THBS4: variants seen among roughly 807,000 people sequenced by gnomAD.
THBS4 encodes the protein thrombospondin 4, also known as thrombospondin-4.
THBS4 carries 90 observed loss-of-function variants against 115.7 expected under a neutral mutation model. The ratio of observed to expected loss-of-function variants is 0.78; its 90% CI spans 0.66 to 0.93. The LOEUF is 0.93. THBS4 is among the 40% of genes least tolerant of loss of function. THBS4 has a pLI of 0.00. For missense variants in THBS4, 1,087 were observed against 1,232.7 expected (o/e 0.88, Z 1.77); for synonymous variants, 460 against 479.3 (o/e 0.96, Z 0.53).
intron 8 of THBS4, among the ~76,000 whole-genome samples, chr5:80,063,805 C>T (rs1201801160): frequency 6.6e-6 from 1 of 152,180 alleles, no homozygotes; most frequent in African/African-American, 2.4e-5. Context: ...TGGAAGGGAG[C>T]CACCTTGCTA....
At chr5:80,018,149 C>T (rs1832286671) in intron 2 of THBS4, among the ~76,000 whole-genome samples, 1 of 151,984 alleles carries the variant, frequency 6.6e-6, no homozygotes, top group Non-Finnish European at 1.5e-5. Flanking sequence ...GTCTCTTTTC[C>T]ATTCTTTCTA....
chr5:80,039,587 A>T (rs1309056803), intron 1 of THBS4, among the ~76,000 whole-genome samples: 1 of 152,216 alleles, frequency 6.6e-6, no homozygotes, highest in South Asian at 2.1e-4. Context: ...ATCTACCACC[A>T]TAGCCATGTT....
At chr5:80,045,514 A>C (rs1432610381) in intron 2 of THBS4, among the ~76,000 whole-genome samples, 1 of 151,828 alleles carries the variant, frequency 6.6e-6, no homozygotes, top group Non-Finnish European at 1.5e-5. Flanking sequence ...AAACATTAAT[A>C]ATAATATTTA....
chr5:80,026,155 C>T (rs918514031), intron 2 of THBS4, among the ~76,000 whole-genome samples: 2 of 152,176 alleles, frequency 1.3e-5, no homozygotes, highest in African/African-American at 4.8e-5. Flanking sequence ...AGTCAGTGAC[C>T]AATTCCCTCC....
intron 16 of THBS4, among the ~76,000 whole-genome samples, chr5:80,077,366 C>A (rs1208404574): frequency 6.6e-6 from 1 of 152,224 alleles, no homozygotes; most frequent in Non-Finnish European, 1.5e-5. Flanking sequence ...CACCATCTTA[C>A]CTGTCACCTG....
At chr5:79,997,038 T>G (rs926328002) in intron 1 of THBS4, among the ~76,000 whole-genome samples, 1 of 151,914 alleles carries the variant, frequency 6.6e-6, no homozygotes, top group Non-Finnish European at 1.5e-5. Flanking sequence ...TAGTTTTTTT[T>G]TTTTTTTTTA....
chr5:80,059,611 G>A, intron 6 of THBS4, 92 bp from the exon 7 acceptor site: 2 of 1,592,556 alleles, frequency 1.3e-6, no homozygotes, highest in Middle Eastern at 1.7e-4. Context: ...GGAGGGGAGG[G>A]AGGAAAAGTT....
intron 7 of THBS4, among the ~76,000 whole-genome samples, chr5:80,061,447 A>G (rs535825938): frequency 6.6e-6 from 1 of 152,310 alleles, no homozygotes; most frequent in East Asian, 1.9e-4. Flanking sequence ...AGGCTGGTTA[A>G]TATCAAGGAC....
chr5:80,010,924 A>T (rs964933010), intron 2 of THBS4, among the ~76,000 whole-genome samples: 1 of 152,306 alleles, frequency 6.6e-6, no homozygotes, highest in African/African-American at 2.4e-5. Flanking sequence ...AGTTGGACAG[A>T]TGGCAGCACA....
intron 2 of THBS4, among the ~76,000 whole-genome samples, chr5:80,014,439 A>G (rs910256080): frequency 6.6e-6 from 1 of 152,166 alleles, no homozygotes; most frequent in Non-Finnish European, 1.5e-5. Context: ...CAAGCAGAAT[A>G]ATGTTCTGTG....
At chr5:80,046,937 C>A (rs933628045) in intron 2 of THBS4, among the ~76,000 whole-genome samples, 2 of 152,100 alleles carry the variant, frequency 1.3e-5, no homozygotes, top group African/African-American at 4.8e-5. Flanking sequence ...AAAGTCCTAC[C>A]AGATAATACA....
At chr5:80,075,731 T>C (rs1380625060) in intron 15 of THBS4, among the ~76,000 whole-genome samples, 1 of 152,254 alleles carries the variant, frequency 6.6e-6, no homozygotes, top group African/African-American at 2.4e-5. Flanking sequence ...TGTTTTTGCA[T>C]AAAAATGTTC....
At chr5:80,081,064 G>C (rs1300759045) in intron 20 of THBS4, among the ~76,000 whole-genome samples, 1 of 152,120 alleles carries the variant, frequency 6.6e-6, no homozygotes, top group African/African-American at 2.4e-5. Flanking sequence ...CTGTGTCTTT[G>C]AAATGTAGAT....
rs183656982 is a variant in THBS4 at position 80,017,350 on chromosome 5, C to A, written n.177+18923C>A. On this transcript the variant is annotated intron_variant and non_coding_transcript_variant, in intron 2 of 3. Coordinates refer to the THBS4 transcript ENST00000510218. ...ACAATACAATCTAACAACATGCAAC[C>A]CAACAAAATGTGTGTTTTTTTAAGG... Among the ~76,000 whole-genome samples the A allele has an allele frequency of 1.1e-3, 164 of 152,186 alleles. 1 individual carries two copies. Among genetic ancestry groups the A allele is most frequent in the African/African-American group, 3.8e-3 (159 of 41,546 alleles).
Position 80,070,415 on chromosome 5 carries a change from G to A in THBS4, c.1452+5G>A. The A allele has an allele frequency of 1.2e-6, 2 of 1,613,544 alleles. No homozygotes were observed. The highest frequency in any genetic ancestry group is 1.3e-5 in the African/African-American group (1 of 75,036). On this transcript the variant is annotated splice_donor_5th_base_variant and intron_variant, in intron 11 of 21. Transcript: ENST00000350881. Reference sequence around the variant, plus strand: ...TCTGCCAGGAACTGTAAAAAGGTAAGGGGTGTGGGGTGGCAGTAGGCACAC... The same window carrying A: ...TCTGCCAGGAACTGTAAAAAGGTAAAGGGTGTGGGGTGGCAGTAGGCACAC...
At chr5:80,049,421 T>C (rs1254159887) in intron 2 of THBS4, among the ~76,000 whole-genome samples, 1 of 152,184 alleles carries the variant, frequency 6.6e-6, no homozygotes, top group African/African-American at 2.4e-5. Context: ...CTAATTTTTT[T>C]TGTTATTGTT....
intron 9 of THBS4, 126 bp from the exon 10 acceptor site, chr5:80,067,847 G>C: frequency 9.3e-7 from 1 of 1,079,044 alleles, no homozygotes; most frequent in Non-Finnish European, 1.3e-6. Flanking sequence ...AAGAAGGCAT[G>C]GATCTGATGC....
Position 80,059,803 on chromosome 5 carries a change from T to C in THBS4, c.885T>C (p.Cys295=), listed in dbSNP as rs555103923. 1.3e-5 allele frequency: 21 copies of C among 1,614,188 alleles called. No homozygotes were observed. The highest frequency in any genetic ancestry group is 1.6e-4 in the Middle Eastern group (1 of 6,062). The change falls in exon 7 of 22, where the codon TGT becomes TGC. Residue 295 remains cysteine (C), a synonymous_variant. Coordinates refer to ENST00000350881, the MANE Select transcript of THBS4 (RefSeq NM_003248.6). ...CTCGTCGGTGTGACTCCAACCCATG[T>C]TTCCGAGGTGTCCAATGTACCGACA... ...RPPRRCDSNP[C]FRGVQCTDSR...
intron 6 of THBS4, 37 bp downstream of exon 6, chr5:80,059,528 G>A: frequency 6.2e-7 from 1 of 1,612,282 alleles, no homozygotes; most frequent in South Asian, 1.1e-5. Flanking sequence ...GCCTGAGTTG[G>A]ATGATGCAGG....
Sources: gnomAD v4.1 joint callset for allele counts (sites outside exome capture counted in the v4.1 genomes callset) on GRCh38, gnomAD v4.1.1 for gene constraint, MANE v1.5 for transcripts, NCBI Gene and HGNC (gene_info 2026-07-23, HGNC 2026-07-21) for gene names.